Variants in MEP1B observed in about 807,000 individuals in gnomAD.
MEP1B encodes meprin A subunit beta.
Under a neutral mutation model 84.6 loss-of-function variants are expected in MEP1B, and 80 were observed. That is an observed-to-expected ratio of 0.95 (90% CI 0.79 to 1.14). The LOEUF (loss-of-function observed/expected upper bound fraction) is 1.14, where lower values mean the gene tolerates loss of function less well. MEP1B is among the 50% of genes most tolerant of loss of function. The pLI, the probability that MEP1B is intolerant of heterozygous loss-of-function variation, is 0.00. For synonymous variants in MEP1B, 273 were observed against 288.1 expected (o/e 0.95, Z 0.53); for missense variants, 766 against 855.1 (o/e 0.90, Z 1.30).
Position 32,196,039 on chromosome 18 carries a change from G to T in MEP1B, c.250+554G>T. On this transcript the variant is annotated intron_variant, in intron 5 of 14. Transcript: ENST00000269202. This position sits in a 1 kb window ranked among gnomAD's most constrained non-coding sequence, Gnocchi z 4.4. ...TGTCCCTCTCTATCCCTGCAAGTTCGGGGAAGAAGGGTCATTGGCAGCCCG... is the reference window on the plus strand; with the variant it reads ...TGTCCCTCTCTATCCCTGCAAGTTCTGGGAAGAAGGGTCATTGGCAGCCCG... 1 of 396,312 alleles carries T rather than the reference G, an allele frequency of 2.5e-6. No homozygotes were observed. The highest frequency in any genetic ancestry group is 2.2e-5 in the South Asian group (1 of 44,714). The allele number at this position is 396,312 out of a possible 1,614,324, so 24.5% of individuals were successfully genotyped here. A position where few individuals can be genotyped will look rare whatever the true frequency, so the allele number is the denominator to read the frequency against.
chr18:32,199,704 C>CTTCCTTCCT (rs1467871025), intron 5 of MEP1B, among the ~76,000 whole-genome samples: 9 of 141,700 alleles, frequency 6.4e-5, no homozygotes, highest in African/African-American at 2.1e-4. Context: ...TCCTTCCTTC[C>CTTCCTTCCT]TTCCTTCTTT....
intron 13 of MEP1B, among the ~76,000 whole-genome samples, chr18:32,217,536 T>C (rs1021576256): frequency 2.6e-5 from 4 of 152,192 alleles, no homozygotes; most frequent in African/African-American, 9.7e-5. Flanking sequence ...AACTTGGAGA[T>C]ACTGTTTTAG....
chr18:32,217,773 G>T lies in MEP1B; in HGVS notation c.1899G>T (p.Gly633=). ...TCTCAACATGCAGGTGCCAGTCAGGGGAAGACTGGTGGTACATGGGAGAAA... is the reference window on the plus strand; with the variant it reads ...TCTCAACATGCAGGTGCCAGTCAGGTGAAGACTGGTGGTACATGGGAGAAA... ...DGKAECRCQS[G]EDWWYMGERC... Residue 633 remains glycine, a synonymous_variant, in exon 14 of 15, where the codon GGG becomes GGT. Transcript: ENST00000269202. The T allele has an allele frequency of 6.2e-7, 1 of 1,613,008 alleles. No homozygotes were observed. Among genetic ancestry groups the T allele is most frequent in the South Asian group, 1.1e-5 (1 of 90,950 alleles).
At chr18:32,208,607 G>A (rs1457378022) in intron 9 of MEP1B, among the ~76,000 whole-genome samples, 2 of 152,196 alleles carry the variant, frequency 1.3e-5, no homozygotes, top group African/African-American at 4.8e-5. Flanking sequence ...CAGAATACAA[G>A]AGACTCTTTC....
chr18:32,191,823 C>A lies in MEP1B; in HGVS notation c.65C>A (p.Ala22Glu), dbSNP rs547829766. ...LDALLVISGL[A>E]TPENFDVDGG... ...TTTGTTTATGTGTTTATTTCCCAGG[C>A]AACTCCAGAAAACTTTGGTGAGTCT... Residue 22 changes from alanine (A) to glutamate (E), a missense_variant and splice_region_variant, in exon 2 of 15, where the codon GCA becomes GAA. Physicochemically the swap from Ala to Glu is moderately radical, Grantham distance 107 (BLOSUM62 -1). Coordinates refer to ENST00000269202, the MANE Select transcript of MEP1B (RefSeq NM_005925.3). 2 of 1,539,188 alleles carry A rather than the reference C, an allele frequency of 1.3e-6. No individual in the cohort carries two copies. Among genetic ancestry groups the A allele is most frequent in the South Asian group, 1.2e-5 (1 of 84,194 alleles).
intron 10 of MEP1B, among the ~76,000 whole-genome samples, chr18:32,212,645 T>C (rs2041040122): frequency 6.6e-6 from 1 of 152,160 alleles, no homozygotes; most frequent in Non-Finnish European, 1.5e-5. Context: ...GTGGATTTTG[T>C]TTAATATTAC....
At chr18:32,200,016 A>G (rs997266713) in intron 5 of MEP1B, among the ~76,000 whole-genome samples, 1 of 150,970 alleles carries the variant, frequency 6.6e-6, no homozygotes, top group Non-Finnish European at 1.5e-5. Context: ...TTTTATATAT[A>G]TCTTAGGCTA....
intron 6 of MEP1B, 56 bp from the exon 7 acceptor site, chr18:32,204,126 C>A: frequency 6.6e-7 from 1 of 1,510,764 alleles, no homozygotes; most frequent in Non-Finnish European, 9.0e-7. Context: ...CGATTCTGCC[C>A]TGAGACCTCA....
intron 10 of MEP1B, among the ~76,000 whole-genome samples, chr18:32,211,186 T>C (rs1318186903): frequency 6.6e-6 from 1 of 152,080 alleles, no homozygotes; most frequent in Non-Finnish European, 1.5e-5. Flanking sequence ...GAGAATTGCT[T>C]GAACCCGGGA....
chr18:32,200,146 C>A (rs537790690), intron 5 of MEP1B, among the ~76,000 whole-genome samples: 1 of 151,810 alleles, frequency 6.6e-6, no homozygotes, highest in African/African-American at 2.4e-5. Flanking sequence ...TGGAGGATTA[C>A]CATAGTCTCT....
In MEP1B at chr18:32,192,676, T is replaced by C. The variant is rs1397128873; in HGVS notation, c.113T>C (p.Phe38Ser). 1.2e-6 allele frequency: 2 copies of C among 1,613,264 alleles called. No homozygotes were observed. Among genetic ancestry groups the C allele is most frequent in the Non-Finnish European group, 1.7e-6 (2 of 1,179,458 alleles). Residue 38 changes from phenylalanine (F) to serine (S), a missense_variant, in exon 3 of 15, where the codon TTT becomes TCT. Physicochemically the swap from Phe to Ser is radical, Grantham distance 155 (BLOSUM62 -2). Coordinates refer to ENST00000269202, the MANE Select transcript of MEP1B (RefSeq NM_005925.3). ...GATGGCGGAATGGACCAGGACATAT[T>C]TGATATCAATGAAGGTTTGTGGATT... ...DVDGGMDQDIFDINEGLGLDL... is the reference protein window; with the variant it reads ...DVDGGMDQDISDINEGLGLDL...
chr18:32,215,870 A>T (rs762920760), intron 12 of MEP1B, among the ~76,000 whole-genome samples: 39 of 151,886 alleles, frequency 2.6e-4, no homozygotes, highest in Non-Finnish European at 4.6e-4. Flanking sequence ...ATACCCTAGG[A>T]TTCCTGAAAT....
chr18:32,210,843 A>G (rs1385231944), intron 10 of MEP1B, 127 bp downstream of exon 10: 2 of 737,768 alleles, frequency 2.7e-6, no homozygotes, highest in Non-Finnish European at 4.5e-6. Context: ...TAAGAACTAG[A>G]TTCTTGTTTT....
chr18:32,207,234 T>C lies in MEP1B; in HGVS notation c.548-18T>C, dbSNP rs1329227836. On this transcript the variant is annotated intron_variant, in intron 7 of 14. Transcript: ENST00000269202. ...AATTTTGTGAACATCAAGTAAAGAT[T>C]TTTTATTTATCCTTTAGGCAGAGAG... is the stretch of plus-strand genomic sequence containing the variant. The C allele has an allele frequency of 1.3e-6, 2 of 1,539,538 alleles. No individual in the cohort carries two copies. Among genetic ancestry groups the C allele is most frequent in the African/African-American group, 2.7e-5 (2 of 73,418 alleles).
chr18:32,191,591 C>A (rs1274751066), intron 1 of MEP1B, among the ~76,000 whole-genome samples: 2 of 151,954 alleles, frequency 1.3e-5, no homozygotes, highest in Non-Finnish European at 2.9e-5. Context: ...GTTTCCTTCA[C>A]CTTCAAATTG....
At chr18:32,197,768 C>T (rs112354120) in intron 5 of MEP1B, among the ~76,000 whole-genome samples, 16 of 152,212 alleles carry the variant, frequency 1.1e-4, no homozygotes, top group East Asian at 3.9e-4. Context: ...TCAGTGGGTA[C>T]GTGTGCAGGT....
At chr18:32,218,603 TG>T (rs2041118111) in intron 14 of MEP1B, among the ~76,000 whole-genome samples, 2 of 152,180 alleles carry the variant, frequency 1.3e-5, no homozygotes, top group African/African-American at 4.8e-5. Context: ...GGAGGGCTCC[TG>T]GAACACGTAT....
chr18:32,213,741 A>G (rs2041055372), intron 11 of MEP1B, among the ~76,000 whole-genome samples, 182 bp downstream of exon 11: 1 of 152,204 alleles, frequency 6.6e-6, no homozygotes, highest in Non-Finnish European at 1.5e-5. Context: ...ACAGGAGCTC[A>G]TCACAAATGT....
chr18:32,217,820 C>T lies in MEP1B; in HGVS notation c.1946C>T (p.Thr649Ile), dbSNP rs368664880. ...GAAAGGTGTGAAAAGAGAGGCTCCA[C>T]CCGAGACACCATAGTCATTGCTGTT... is the stretch of plus-strand genomic sequence containing the variant. ...MGERCEKRGS[T>I]RDTIVIAVSS... Residue 649 changes from threonine to isoleucine, a missense_variant, in exon 14 of 15, where the codon ACC (threonine) becomes ATC (isoleucine). Coordinates refer to ENST00000269202, the MANE Select transcript of MEP1B (RefSeq NM_005925.3). The T allele has an allele frequency of 6.8e-6, 11 of 1,613,510 alleles. No homozygotes were observed. The South Asian group carries it at 8.8e-5, about 13-fold the overall frequency.
Sources: gnomAD v4.1 joint callset for allele counts (sites outside exome capture counted in the v4.1 genomes callset) on GRCh38, gnomAD v4.1.1 for gene constraint, Gnocchi (gnomAD v3.1) non-coding constraint, MANE v1.5 for transcripts, NCBI Gene and HGNC (gene_info 2026-07-23, HGNC 2026-07-21) for gene names.